Variants in DLGAP2 observed in about 807,000 individuals in gnomAD.
DLGAP2 encodes the protein DLG associated protein 2, also known as disks large-associated protein 2.
In DLGAP2, 26 loss-of-function variants were observed where a neutral mutation model predicts 100.3. That is an observed-to-expected ratio of 0.26 (90% CI 0.19 to 0.36). The LOEUF (loss-of-function observed/expected upper bound fraction) is 0.36. DLGAP2 is among the 10% of genes least tolerant of loss of function. The probability of loss-of-function intolerance (pLI) is 1.00; values close to 1 mark genes in which losing one functional copy is unlikely to be tolerated. For missense variants in DLGAP2, 1,858 were observed against 1,453.2 expected (o/e 1.28, Z -4.53); for synonymous variants, 886 against 630.1 (o/e 1.41, Z -6.08).
chr8:811,181 G>C (rs1796363504), intron 1 of DLGAP2, among the ~76,000 whole-genome samples: 1 of 152,240 alleles, frequency 6.6e-6, no homozygotes, highest in Admixed American at 6.5e-5. Context: ...CAAGTAACCT[G>C]ATTCAAGTCT....
intron 2 of DLGAP2, among the ~76,000 whole-genome samples, chr8:1,202,001 G>A (rs1253158239): frequency 1.3e-5 from 2 of 151,716 alleles, no homozygotes; most frequent in East Asian, 3.9e-4. Flanking sequence ...TGTGGTGTGT[G>A]TGTATACACA....
At chr8:1,222,481 A>G (rs143159350) in intron 2 of DLGAP2, among the ~76,000 whole-genome samples, 72 of 152,264 alleles carry the variant, frequency 4.7e-4, no homozygotes, top group South Asian at 1.4e-3. Flanking sequence ...TTCTCAGTCC[A>G]CTGGTAACGA....
chr8:816,816 C>A lies in DLGAP2; in HGVS notation c.18+78991C>A, dbSNP rs781781607. Reference sequence around the variant, plus strand: ...TTGATTGTTCCCTCAAATATGTTTTCCAAATGGTTAGATTTCTCTTCTTCT... The same window carrying A: ...TTGATTGTTCCCTCAAATATGTTTTACAAATGGTTAGATTTCTCTTCTTCT... On this transcript the variant is annotated intron_variant, in intron 1 of 14. Coordinates refer to ENST00000637795, the MANE Select transcript of DLGAP2 (RefSeq NM_001346810.2). Among the ~76,000 whole-genome samples, 3 of 152,118 alleles carry A rather than the reference C, an allele frequency of 2.0e-5. No homozygotes were observed. In the East Asian group the frequency reaches 5.8e-4, roughly 29 times the overall value.
intron 2 of DLGAP2, among the ~76,000 whole-genome samples, chr8:1,001,125 AT>A (rs1563137337): frequency 1.3e-5 from 2 of 152,306 alleles, no homozygotes; most frequent in East Asian, 3.9e-4. Context: ...GATATAAAAC[AT>A]TTATTCATGA....
At chr8:863,814 G>A (rs1278972615) in intron 1 of DLGAP2, among the ~76,000 whole-genome samples, 3 of 152,168 alleles carry the variant, frequency 2.0e-5, no homozygotes, top group African/African-American at 7.2e-5. Context: ...AAAACAGTGT[G>A]GAGGTTTCTC....
rs780033709 is a variant in DLGAP2, at chr8:1,549,465, C to T, written c.1012C>T (p.Leu338=). The T allele has an allele frequency of 6.2e-7, 1 of 1,613,356 alleles. No homozygotes were observed. The highest frequency in any genetic ancestry group is 8.5e-7 in the Non-Finnish European group (1 of 1,179,778). ...CGCGCTGCAGAGCCCCTTCGGGGAC[C>T]TGTCCCTCAAGACCTCCAAGAGCAA... The part of the protein sequence containing the change: ...PDALQSPFGD[L]SLKTSKSNND... Residue 338 remains leucine, a synonymous_variant, in exon 5 of 15, where the codon CTG becomes TTG. Transcript: ENST00000637795.
intron 2 of DLGAP2, among the ~76,000 whole-genome samples, chr8:1,223,616 T>C (rs1798359921): frequency 6.6e-6 from 1 of 152,230 alleles, no homozygotes; most frequent in Admixed American, 6.5e-5. Context: ...TGTAAGTGCC[T>C]TAAACACTAG....
At chr8:781,995 C>A (rs1030926748) in intron 1 of DLGAP2, among the ~76,000 whole-genome samples, 7 of 152,050 alleles carry the variant, frequency 4.6e-5, no homozygotes, top group African/African-American at 1.7e-4. Flanking sequence ...AAGAGAAAAC[C>A]TGGTGTTCAA....
At chr8:810,228 G>A (rs181641201) in intron 1 of DLGAP2, among the ~76,000 whole-genome samples, 99 of 152,218 alleles carry the variant, frequency 6.5e-4, no homozygotes, top group Non-Finnish European at 8.7e-4. Context: ...GCTTTCCTCC[G>A]TCTTTTAATT....
At chr8:888,803 GGT>G (rs1797975540) in intron 1 of DLGAP2, among the ~76,000 whole-genome samples, 1 of 152,028 alleles carries the variant, frequency 6.6e-6, no homozygotes, top group African/African-American at 2.4e-5. Context: ...TTGCCAGTAG[GGT>G]GTCTGTGTAC....
intron 2 of DLGAP2, among the ~76,000 whole-genome samples, chr8:1,064,652 A>G (rs1274506559): frequency 6.6e-6 from 1 of 152,212 alleles, no homozygotes; most frequent in Non-Finnish European, 1.5e-5. Flanking sequence ...TAAATTTGAC[A>G]TTCTCTAAAA....
chr8:971,666 G>T (rs1003662859), intron 2 of DLGAP2, among the ~76,000 whole-genome samples: 1 of 152,174 alleles, frequency 6.6e-6, no homozygotes, highest in African/African-American at 2.4e-5. Flanking sequence ...AAAAATACCC[G>T]CATACTTCTG....
At chr8:858,789 A>G (rs35400327) in intron 1 of DLGAP2, among the ~76,000 whole-genome samples, 95,206 of 151,622 alleles carry the variant, frequency 0.63, 30,592 homozygotes, top group East Asian at 0.75. Context: ...GTGGGCATAT[A>G]TGAGATGCTG....
chr8:1,048,932 G>T (rs1802593826), intron 2 of DLGAP2, among the ~76,000 whole-genome samples: 1 of 152,146 alleles, frequency 6.6e-6, no homozygotes, highest in East Asian at 1.9e-4. Context: ...ACAGACTCAC[G>T]GGTAGAAAAA....
chr8:1,551,654 C>T (rs934775508), intron 5 of DLGAP2, among the ~76,000 whole-genome samples: 1 of 152,210 alleles, frequency 6.6e-6, no homozygotes, highest in Admixed American at 6.5e-5. Context: ...CAGCCCCTTT[C>T]AAAAACCATC....
chr8:1,668,237 G>A (rs1264733245), intron 8 of DLGAP2, 92 bp from the exon 9 acceptor site: 17 of 1,244,806 alleles, frequency 1.4e-5, no homozygotes, highest in East Asian at 2.7e-5. Context: ...GACTTGCTCC[G>A]TCAACCACAG....
chr8:1,255,106 G>C (rs531996555), intron 2 of DLGAP2, among the ~76,000 whole-genome samples: 1 of 147,594 alleles, frequency 6.8e-6, no homozygotes, highest in Non-Finnish European at 1.5e-5. Context: ...CTGCCTGGGT[G>C]CTGTGTGTGT....
intron 1 of DLGAP2, among the ~76,000 whole-genome samples, chr8:785,010 A>C (rs1029932823): frequency 6.6e-6 from 1 of 151,938 alleles, no homozygotes; most frequent in Non-Finnish European, 1.5e-5. Flanking sequence ...GATCGAGACC[A>C]TCCTGGCTAA....
At chr8:1,002,872 T>C (rs1801000758) in intron 2 of DLGAP2, 1 of 152,262 alleles carries the variant, frequency 6.6e-6, no homozygotes, top group Non-Finnish European at 1.5e-5. Flanking sequence ...ATGGCGCTAG[T>C]GGGGCCCAGG....
Sources: allele counts gnomAD v4.1 joint callset (sites outside exome capture counted in the v4.1 genomes callset), GRCh38; gene constraint gnomAD v4.1.1; transcripts MANE v1.5; gene names NCBI Gene and HGNC (gene_info 2026-07-23, HGNC 2026-07-21).